Variants in CTCF observed in about 807,000 individuals in gnomAD.
CTCF encodes transcriptional repressor CTCF.
Under a neutral mutation model 72.3 loss-of-function variants are expected in CTCF, and 7 were observed. That is an observed-to-expected ratio of 0.10 (90% CI 0.06 to 0.18). The LOEUF is 0.18. CTCF is among the 10% of genes least tolerant of loss of function. CTCF has a pLI of 1.00. For synonymous variants in CTCF, 374 were observed against 315.8 expected (o/e 1.18, Z -1.95); for missense variants, 516 against 949.1 (o/e 0.54, Z 6.00).
chr16:67,636,569 G>GTA lies in CTCF; in HGVS notation c.1838-101_1838-100dup, dbSNP rs66893507. 46,567 of 242,070 alleles carry GTA rather than the reference G, an allele frequency of 0.19. 3,982 individuals are homozygous for GTA. Among genetic ancestry groups the GTA allele is most frequent in the South Asian group, 0.22 (1,293 of 5,940 alleles). The allele number at this position is 242,070 out of a possible 1,614,324, so 15.0% of individuals were successfully genotyped here. On this transcript the variant is annotated intron_variant, in intron 10 of 11. Transcript: ENST00000264010. ...TCAAAAAAAAAAAAAGAAAGAAAGT[G>GTA]TATATATATATATATATATATTTAT...
chr16:67,581,208 G>A lies in CTCF; in HGVS notation c.-10+9944G>A, dbSNP rs571879081. ...CTCCCAGAGTGCTGGGATTACAGGC[G>A]TGAGCCACTGCACCTGGCCCGGCCT... On this transcript the variant is annotated intron_variant, in intron 2 of 11. Coordinates refer to ENST00000264010, the MANE Select transcript of CTCF (RefSeq NM_006565.4). 5.3e-5 allele frequency among the ~76,000 whole-genome samples: 8 copies of A among 152,284 alleles called. 1 individual carries two copies. The highest frequency in any genetic ancestry group is 3.3e-4 in the Admixed American group (5 of 15,288).
chr16:67,633,848 C>T (rs191943477), intron 10 of CTCF, among the ~76,000 whole-genome samples: 1 of 152,162 alleles, frequency 6.6e-6, no homozygotes, highest in Non-Finnish European at 1.5e-5. Context: ...TTCCTGCCCA[C>T]TTAGAGATGA....
chr16:67,570,218 A>G (rs2051397426), intron 1 of CTCF, among the ~76,000 whole-genome samples: 1 of 149,764 alleles, frequency 6.7e-6, no homozygotes, highest in African/African-American at 2.5e-5. Context: ...CTGGGACTAC[A>G]GGCACCCGCC....
In CTCF at chr16:67,637,704, G is replaced by C; in HGVS notation, c.2016G>C (p.Gln672His). 6.2e-7 allele frequency: 1 copy of C among 1,613,048 alleles called. No homozygotes were observed. The highest frequency in any genetic ancestry group is 8.5e-7 in the Non-Finnish European group (1 of 1,179,370). Residue 672 changes from glutamine (Q) to histidine (H), a missense_variant, in exon 12 of 12, where the codon CAG becomes CAC. This residue lies in a region of CTCF where 157 missense variants were observed against 172.9 expected (regional missense o/e 0.91). Coordinates refer to ENST00000264010, the MANE Select transcript of CTCF (RefSeq NM_006565.4). Reference protein sequence around the residue: ...PKQNQPTAIIQVEDQNTGAIE... With the variant: ...PKQNQPTAIIHVEDQNTGAIE... Reference sequence around the variant, plus strand: ...CTTTGCCAGCAACAGCTATCATTCAGGTTGAAGACCAGAATACAGGTGCAA... The same window carrying C: ...CTTTGCCAGCAACAGCTATCATTCACGTTGAAGACCAGAATACAGGTGCAA...
intron 2 of CTCF, among the ~76,000 whole-genome samples, chr16:67,572,276 CA>C (rs2051432832): frequency 6.6e-6 from 1 of 152,148 alleles, no homozygotes; most frequent in Non-Finnish European, 1.5e-5. Context: ...TCTGTCACTC[CA>C]AAAATAACTT....
chr16:67,571,786 T>G (rs1195051036), intron 2 of CTCF, among the ~76,000 whole-genome samples: 1 of 152,186 alleles, frequency 6.6e-6, no homozygotes, highest in Non-Finnish European at 1.5e-5. Context: ...GCCTAGCTCA[T>G]TGCCCATTTT....
At chr16:67,613,962 A>G (rs1442799316) in intron 4 of CTCF, among the ~76,000 whole-genome samples, 1 of 152,076 alleles carries the variant, frequency 6.6e-6, no homozygotes, top group African/African-American at 2.4e-5. Context: ...AGATGCATAC[A>G]CCAAGAGTAT....
chr16:67,602,613 C>T (rs962722157), intron 2 of CTCF, among the ~76,000 whole-genome samples: 2 of 151,626 alleles, frequency 1.3e-5, no homozygotes, highest in South Asian at 2.1e-4. Context: ...AGGCCGAGGC[C>T]GGCAGATTAC....
chr16:67,583,395 GTATA>G (rs2051617291), intron 2 of CTCF, among the ~76,000 whole-genome samples: 1 of 152,012 alleles, frequency 6.6e-6, no homozygotes, highest in South Asian at 2.1e-4. Flanking sequence ...GAGGAAAAGA[GTATA>G]TATCTAGCCA....
rs372890204 is a variant in CTCF at position 67,638,623 on chromosome 16, G to T, written c.*751G>T. 1.3e-5 allele frequency: 3 copies of T among 231,930 alleles called. No homozygotes were observed. Among genetic ancestry groups the T allele is most frequent in the African/African-American group, 6.6e-5 (3 of 45,346 alleles). 14.4% of individuals were successfully genotyped at this position (231,930 alleles called of 1,614,324 possible). ...ACCACTGCCCACCAGTGACGGACAT[G>T]CACGTGGCAGATCATGATTTCCAGC... On this transcript the variant is annotated 3_prime_UTR_variant, in exon 12 of 12. Coordinates refer to ENST00000264010, the MANE Select transcript of CTCF (RefSeq NM_006565.4).
At chr16:67,593,038 TTATATA>T (rs1021854597) in intron 2 of CTCF, among the ~76,000 whole-genome samples, 1 of 149,422 alleles carries the variant, frequency 6.7e-6, no homozygotes, top group East Asian at 1.9e-4. Context: ...AAAAAAAAAT[TTATATA>T]TATATGTATA....
intron 7 of CTCF, among the ~76,000 whole-genome samples, chr16:67,624,113 G>A (rs977650838): frequency 1.5e-5 from 2 of 132,600 alleles, no homozygotes; most frequent in African/African-American, 3.1e-5. Context: ...GTGTGTGTGT[G>A]TGTATGTGTG....
In CTCF at chr16:67,576,276, G is replaced by A. The variant is rs562899409; in HGVS notation, c.-10+5012G>A. ...AGAAAATCCCAAACTAAAACCTGGC[G>A]TATAGCAGAAGCTCAATAAGTAATT... On this transcript the variant is annotated intron_variant, in intron 2 of 11. Coordinates refer to ENST00000264010, the MANE Select transcript of CTCF (RefSeq NM_006565.4). 3.4e-4 allele frequency among the ~76,000 whole-genome samples: 52 copies of A among 151,848 alleles called. No individual in the cohort carries two copies. In the South Asian group the frequency reaches 7.3e-3, roughly 21 times the overall value.
intron 2 of CTCF, among the ~76,000 whole-genome samples, chr16:67,600,491 A>G (rs2051872134): frequency 6.6e-6 from 1 of 152,134 alleles, no homozygotes; most frequent in Non-Finnish European, 1.5e-5. Flanking sequence ...CAGCCTCCCA[A>G]AGTCCTGGGA....
chr16:67,628,014 G>T, intron 8 of CTCF: 1 of 177,724 alleles, frequency 5.6e-6, no homozygotes, highest in Non-Finnish European at 1.2e-5. Context: ...AGAATTGCTT[G>T]AATCCGGGAG....
intron 2 of CTCF, among the ~76,000 whole-genome samples, chr16:67,587,028 A>G (rs1047900449): frequency 1.3e-5 from 2 of 148,530 alleles, no homozygotes; most frequent in Non-Finnish European, 3.0e-5. Flanking sequence ...TCTTGGGTTT[A>G]TAGGTGTGAG....
intron 9 of CTCF, 55 bp downstream of exon 9, chr16:67,628,607 T>A: frequency 6.4e-7 from 1 of 1,563,880 alleles, no homozygotes; most frequent in Non-Finnish European, 8.8e-7. Flanking sequence ...GGATTTTTGG[T>A]CTTCCTCTGC....
chr16:67,619,326 C>CTGAG (rs2052172411), intron 5 of CTCF, among the ~76,000 whole-genome samples: 1 of 152,082 alleles, frequency 6.6e-6, no homozygotes, highest in South Asian at 2.1e-4. Flanking sequence ...GTCTCAGCTA[C>CTGAG]TCGGGAGGCT....
At chr16:67,629,703 G>A (rs1410375951) in intron 10 of CTCF, among the ~76,000 whole-genome samples, 170 bp downstream of exon 10, 3 of 139,834 alleles carry the variant, frequency 2.1e-5, no homozygotes, top group African/African-American at 8.1e-5. Context: ...TTTTTCTGGG[G>A]CATATTTTCT....
Sources: gnomAD v4.1 joint callset for allele counts (sites outside exome capture counted in the v4.1 genomes callset) on GRCh38, gnomAD v4.1.1 for gene constraint, gnomAD v4.1.1 regional missense constraint, MANE v1.5 for transcripts, NCBI Gene and HGNC (gene_info 2026-07-23, HGNC 2026-07-21) for gene names.